Variants in NFATC3 observed in about 807,000 individuals in gnomAD.
NFATC3 encodes nuclear factor of activated T-cells, cytoplasmic 3.
NFATC3 carries 46 observed loss-of-function variants against 98.6 expected under a neutral mutation model. The observed-to-expected ratio is 0.47, with a 90% CI of 0.37 to 0.60. The LOEUF is 0.60. NFATC3 is among the 20% of genes least tolerant of loss of function. The pLI is 0.00. For synonymous variants in NFATC3, 512 were observed against 472.2 expected, an observed-to-expected ratio of 1.08 and a Z score of -1.09; for missense variants, 1,256 against 1,295.5, an observed-to-expected ratio of 0.97 and a Z score of 0.47.
chr16:68,210,950 T>G (rs1423257823), intron 9 of NFATC3, among the ~76,000 whole-genome samples: 1 of 151,436 alleles, frequency 6.6e-6, no homozygotes, highest in Non-Finnish European at 1.5e-5. Context: ...CCCGGCTAAT[T>G]TTTTTGTATT....
chr16:68,106,032 C>T (rs184284813), intron 1 of NFATC3, among the ~76,000 whole-genome samples: 5 of 152,002 alleles, frequency 3.3e-5, no homozygotes, highest in Admixed American at 3.3e-4. Context: ...CCACGCCAGG[C>T]TAACTTTTGT....
intron 3 of NFATC3, among the ~76,000 whole-genome samples, chr16:68,129,228 G>T (rs951037992): frequency 2.6e-5 from 4 of 152,212 alleles, no homozygotes; most frequent in African/African-American, 9.7e-5. Context: ...TCACACCACT[G>T]CACTCCAGCT....
At chr16:68,115,752 G>C (rs1169252126) in intron 1 of NFATC3, among the ~76,000 whole-genome samples, 2 of 151,746 alleles carry the variant, frequency 1.3e-5, no homozygotes, top group African/African-American at 4.8e-5. Flanking sequence ...GTTGTTGTTT[G>C]TTTTAAATTT....
chr16:68,218,039 G>T, intron 9 of NFATC3: 1 of 1,107,490 alleles, frequency 9.0e-7, no homozygotes. Context: ...AAAATCAAAT[G>T]AATATTTTTT....
chr16:68,149,266 C>T (rs1039051233), intron 3 of NFATC3, among the ~76,000 whole-genome samples: 17 of 152,192 alleles, frequency 1.1e-4, no homozygotes, highest in African/African-American at 4.1e-4. Context: ...TTAGTTCCCA[C>T]AATGCTTGCA....
At chr16:68,193,951 A>G (rs930810565) in intron 9 of NFATC3, among the ~76,000 whole-genome samples, 42 of 152,204 alleles carry the variant, frequency 2.8e-4, no homozygotes, top group East Asian at 9.7e-4. Context: ...GGTGATTGGT[A>G]TGGTACAGGA....
At chr16:68,177,249 C>T (rs1018531750) in intron 6 of NFATC3, among the ~76,000 whole-genome samples, 8 of 151,978 alleles carry the variant, frequency 5.3e-5, no homozygotes, top group African/African-American at 1.9e-4. Context: ...TGGGGTTTCA[C>T]CATGTTGGCC....
At chr16:68,180,689 C>G (rs1346178190) in intron 6 of NFATC3, among the ~76,000 whole-genome samples, 1 of 152,040 alleles carries the variant, frequency 6.6e-6, no homozygotes, top group South Asian at 2.1e-4. Flanking sequence ...TGTGATATTC[C>G]CCATTCCTGT....
At chr16:68,198,036 T>C (rs527692440) in intron 9 of NFATC3, among the ~76,000 whole-genome samples, 83 of 152,282 alleles carry the variant, frequency 5.5e-4, no homozygotes, top group Admixed American at 1.6e-3. Context: ...TCGGGAGTTA[T>C]AGACTGAGCA....
intron 3 of NFATC3, among the ~76,000 whole-genome samples, chr16:68,145,094 C>T (rs1245829514): frequency 1.3e-5 from 2 of 152,012 alleles, no homozygotes; most frequent in Non-Finnish European, 2.9e-5. Flanking sequence ...GCTTGACCCA[C>T]TATGCCTGGC....
At chr16:68,151,640 G>A (rs1354874328) in intron 3 of NFATC3, among the ~76,000 whole-genome samples, 4 of 152,086 alleles carry the variant, frequency 2.6e-5, no homozygotes, top group African/African-American at 9.7e-5. Flanking sequence ...TGAATCTCTG[G>A]CCCTTTCTCC....
intron 9 of NFATC3, among the ~76,000 whole-genome samples, chr16:68,198,498 A>C (rs1461010558): frequency 6.6e-6 from 1 of 152,204 alleles, no homozygotes; most frequent in Non-Finnish European, 1.5e-5. Context: ...ATCTGTAATC[A>C]AGTTTCTAGT....
chr16:68,097,695 AG>A (rs2035090112), intron 1 of NFATC3, among the ~76,000 whole-genome samples: 1 of 148,938 alleles, frequency 6.7e-6, no homozygotes, highest in Non-Finnish European at 1.5e-5. Context: ...AAGGCAGAAG[AG>A]GGTTTTATCT....
intron 1 of NFATC3, among the ~76,000 whole-genome samples, chr16:68,117,350 A>G (rs1279756808): frequency 6.6e-6 from 1 of 152,194 alleles, no homozygotes; most frequent in Non-Finnish European, 1.5e-5. Context: ...ATCAGATCAT[A>G]TATATCAAAT....
intron 1 of NFATC3, among the ~76,000 whole-genome samples, chr16:68,094,229 CT>C (rs2034886338): frequency 1.3e-5 from 2 of 152,132 alleles, no homozygotes; most frequent in Non-Finnish European, 2.9e-5. Flanking sequence ...GGCAGCCCCC[CT>C]CTCCGCCCAT....
chr16:68,122,536 G>A lies in NFATC3; in HGVS notation c.653G>A (p.Gly218Asp), dbSNP rs748878841. Reference protein sequence around the residue: ...PLTSPGGSPGGCPGEETWHQQ... With the variant: ...PLTSPGGSPGDCPGEETWHQQ... ...ACTTCTCCTGGTGGCTCTCCAGGGGGCTGCCCTGGAGAAGAAACTTGGCAT... is the reference window on the plus strand; with the variant it reads ...ACTTCTCCTGGTGGCTCTCCAGGGGACTGCCCTGGAGAAGAAACTTGGCAT... Residue 218 changes from glycine to aspartate, a missense_variant, in exon 2 of 10, where the codon GGC (glycine) becomes GAC (aspartate). This residue lies in a region of NFATC3 where 464 missense variants were observed against 465.7 expected (regional missense o/e 1.00). Transcript: ENST00000346183. The A allele has an allele frequency of 1.2e-6, 2 of 1,614,048 alleles. No individual in the cohort carries two copies. Among genetic ancestry groups the A allele is most frequent in the East Asian group, 2.2e-5 (1 of 44,882 alleles).
intron 8 of NFATC3, among the ~76,000 whole-genome samples, chr16:68,188,142 C>T (rs2040286844): frequency 6.6e-6 from 1 of 152,168 alleles, no homozygotes; most frequent in Admixed American, 6.5e-5. Context: ...CAGACTCAGC[C>T]TCAACCTCGC....
chr16:68,180,357 G>C (rs961160347), intron 6 of NFATC3, among the ~76,000 whole-genome samples: 2 of 152,070 alleles, frequency 1.3e-5, no homozygotes, highest in Non-Finnish European at 2.9e-5. Context: ...TTATCACGAG[G>C]AGCTTTCTAG....
In NFATC3 at chr16:68,226,330, T is replaced by G. The variant is rs2042037170; in HGVS notation, c.3107-20T>G. ...ATCACTCAGAGGTCACTAATCACTC[T>G]CCCTTTTCTTGTTTTTCAGTGAACG... On this transcript the variant is annotated intron_variant, in intron 9 of 9. Coordinates refer to ENST00000346183, the MANE Select transcript of NFATC3 (RefSeq NM_173165.3). The G allele has an allele frequency of 2.6e-6, 4 of 1,565,784 alleles. No homozygotes were observed. In the East Asian group the frequency reaches 7.4e-5, roughly 29 times the overall value.
Sources: gnomAD v4.1 joint callset for allele counts (sites outside exome capture counted in the v4.1 genomes callset) on GRCh38, gnomAD v4.1.1 for gene constraint, gnomAD v4.1.1 regional missense constraint, MANE v1.5 for transcripts, NCBI Gene and HGNC (gene_info 2026-07-23, HGNC 2026-07-21) for gene names.